ITGB4: variants seen among roughly 807,000 people sequenced by gnomAD.
ITGB4 encodes the protein integrin beta-4.
In ITGB4, 159 loss-of-function variants were observed where a neutral mutation model predicts 207.6. The ratio of observed to expected loss-of-function variants is 0.77; its 90% CI spans 0.67 to 0.87. ITGB4 has a LOEUF of 0.87. Among genes scored for constraint, ITGB4 ranks in the 40% least tolerant of loss-of-function variants. The pLI, the probability that ITGB4 is intolerant of heterozygous loss-of-function variation, is 0.00. For missense variants in ITGB4, 2,278 were observed against 2,546.8 expected (o/e 0.89, Z 2.27); for synonymous variants, 1,020 against 1,062.7 (o/e 0.96, Z 0.78).
At chr17:75,730,543 G>C (rs748394551) in intron 8 of ITGB4, 39 bp downstream of exon 8, 8 of 1,611,066 alleles carry the variant, frequency 5.0e-6, no homozygotes, top group Non-Finnish European at 5.9e-6. Context: ...GGTGGTCAAG[G>C]TAGGGGGTCC....
intron 34 of ITGB4, chr17:75,755,256 C>A: frequency 6.3e-7 from 1 of 1,577,028 alleles, no homozygotes; most frequent in Non-Finnish European, 8.6e-7. Flanking sequence ...CTGTCCTGCT[C>A]CATCTGTCAT....
chr17:75,725,345 ACT>A (rs1260928739), intron 2 of ITGB4, among the ~76,000 whole-genome samples: 3 of 152,004 alleles, frequency 2.0e-5, no homozygotes, highest in African/African-American at 7.3e-5. Context: ...ACATGCTCTC[ACT>A]CTGTCGTCCC....
chr17:75,750,080 G>A lies in ITGB4; in HGVS notation c.3317-31G>A. On this transcript the variant is annotated intron_variant, in intron 27 of 39. Coordinates refer to ENST00000200181, the MANE Select transcript of ITGB4 (RefSeq NM_000213.5). This position sits in a 1 kb window ranked among gnomAD's most constrained non-coding sequence, Gnocchi z 5.5. ...CCCCTGGTGGTGAAGGGGGATCTGA[G>A]TGGTTGCCCGGCCCCAACCTGACCC... 1 of 1,613,304 alleles carries A rather than the reference G, an allele frequency of 6.2e-7. No individual in the cohort carries two copies.
Position 75,722,901 on chromosome 17 carries a change from CG to C in ITGB4, c.-11+1292del, listed in dbSNP as rs1278474603. Among the ~76,000 whole-genome samples, 2 of 152,066 alleles carry C rather than the reference CG, an allele frequency of 1.3e-5. No homozygotes were observed. The highest frequency in any genetic ancestry group is 3.9e-4 in the East Asian group (2 of 5,170). On this transcript the variant is annotated intron_variant, in intron 1 of 39. Coordinates refer to ENST00000200181, the MANE Select transcript of ITGB4 (RefSeq NM_000213.5). This position sits in a 1 kb window ranked among gnomAD's most constrained non-coding sequence, Gnocchi z 6.2. ...AAAGTCGGGGCAGCCTGGTGGGGTC[CG>C]GGCCGCCTGGAGAGTAGGTGTCCTG...
intron 2 of ITGB4, among the ~76,000 whole-genome samples, chr17:75,726,903 C>G (rs1036555312): frequency 3.0e-4 from 45 of 152,090 alleles, no homozygotes; most frequent in Non-Finnish European, 6.0e-4. Flanking sequence ...GAAACCCTGT[C>G]TCTACTAAAA....
In ITGB4 at chr17:75,740,311, G is replaced by C. The variant is rs777210169; in HGVS notation, c.2447-47G>C. On this transcript the variant is annotated intron_variant, in intron 20 of 39. Transcript: ENST00000200181. The surrounding 1 kb of genome is among the most constrained non-coding windows in gnomAD (Gnocchi z 5.9). ...GATGCTCTGTGGTGCCTGTCATGCA[G>C]GGGGCTGACCACCTCCATCTCACCC... The C allele has an allele frequency of 6.6e-7, 1 of 1,517,906 alleles. No homozygotes were observed. The highest frequency in any genetic ancestry group is 1.7e-5 in the Admixed American group (1 of 57,714). 94.0% of individuals were successfully genotyped at this position (1,517,906 alleles called of 1,614,324 possible).
rs374796446 is a variant in ITGB4, at chr17:75,757,576, G to A, written c.*21G>A. 8.1e-5 allele frequency: 131 copies of A among 1,612,150 alleles called. 1 individual carries two copies. The highest frequency in any genetic ancestry group is 1.6e-4 in the Middle Eastern group (1 of 6,076). On this transcript the variant is annotated 3_prime_UTR_variant, in exon 40 of 40. Coordinates refer to ENST00000200181, the MANE Select transcript of ITGB4 (RefSeq NM_000213.5). The stretch of plus-strand genomic sequence containing the variant: ...CTTGACCGCACCCTGCCCCACCCCC[G>A]CCACGTCCCACTAGGCGTCCTCCCG...
intron 27 of ITGB4, among the ~76,000 whole-genome samples, chr17:75,749,617 G>A (rs2061320153): frequency 6.6e-6 from 1 of 152,224 alleles, no homozygotes; most frequent in Non-Finnish European, 1.5e-5. Context: ...TAGAGAGGCT[G>A]TTGTCACCAC....
chr17:75,750,803 G>A lies in ITGB4; in HGVS notation c.3598G>A (p.Gly1200Arg), dbSNP rs75129664. ...CDYEMKVCAY[G>R]AQGEGPYSSL... ...CTATGAGATGAAGGTGTGCGCCTAC[G>A]GGGCTCAGGGCGAGGGACCCTACAG... Residue 1200 changes from glycine (G) to arginine (R), a missense_variant, in exon 29 of 40, where the codon GGG becomes AGG. By Grantham distance (125) the Gly-to-Arg change is moderately radical. Transcript: ENST00000200181. The surrounding 1 kb of genome is among the most constrained non-coding windows in gnomAD (Gnocchi z 5.5). 2,735 of 1,613,476 alleles carry A rather than the reference G, an allele frequency of 1.7e-3. 10 individuals carry two copies. Among genetic ancestry groups the A allele is most frequent in the Non-Finnish European group, 1.6e-3 (1,898 of 1,180,006 alleles).
Position 75,755,695 on chromosome 17 carries a change from C to A in ITGB4, c.4559-6C>A, listed in dbSNP as rs564467403. 3.7e-6 allele frequency: 6 copies of A among 1,612,824 alleles called. No homozygotes were observed. In the South Asian group the frequency reaches 6.6e-5, roughly 18 times the overall value. ...TCTCTGGCTGACTGCGGCCTCCTGT[C>A]CCCAGACTCTCGCCTGACTGCTGGT... On this transcript the variant is annotated splice_polypyrimidine_tract_variant and splice_region_variant and intron_variant, in intron 34 of 39. Transcript: ENST00000200181.
Position 75,733,678 on chromosome 17 carries a change from G to C in ITGB4, c.1643G>C (p.Gly548Ala). 2 of 1,614,042 alleles carry C rather than the reference G, an allele frequency of 1.2e-6. No individual in the cohort carries two copies. Among genetic ancestry groups the C allele is most frequent in the Non-Finnish European group, 8.5e-7 (1 of 1,180,024 alleles). ...AACTTCCAGTGTCCCCGCACTTCCGGGTTCCTCTGCAATGGTGAGCACAAC... is the reference window on the plus strand; with the variant it reads ...AACTTCCAGTGTCCCCGCACTTCCGCGTTCCTCTGCAATGGTGAGCACAAC... ...YDNFQCPRTS[G>A]FLCNDRGRCS... The change falls in exon 13 of 40, where the codon GGG becomes GCG. Residue 548 changes from glycine (G) to alanine (A), a missense_variant. Coordinates refer to ENST00000200181, the MANE Select transcript of ITGB4 (RefSeq NM_000213.5).
Position 75,727,659 on chromosome 17 carries a change from G to A in ITGB4, c.273G>A (p.Gln91=), listed in dbSNP as rs748885598. 1 of 1,605,978 alleles carries A rather than the reference G, an allele frequency of 6.2e-7. No homozygotes were observed. Among genetic ancestry groups the A allele is most frequent in the East Asian group, 2.2e-5 (1 of 44,678 alleles). Residue 91 remains glutamine, a synonymous_variant, in exon 5 of 40, where the codon CAG becomes CAA. Coordinates refer to ENST00000200181, the MANE Select transcript of ITGB4 (RefSeq NM_000213.5). The surrounding 1 kb of genome is among the most constrained non-coding windows in gnomAD (Gnocchi z 6.0). Reference sequence around the variant, plus strand: ...CCTTCCACTGGCTGCAGGAGACCCAGATTGACACCACCCTGCGGCGCAGCC... The same window carrying A: ...CCTTCCACTGGCTGCAGGAGACCCAAATTGACACCACCCTGCGGCGCAGCC... ...ESSFQITEET[Q]IDTTLRRSQM... is the part of the protein sequence containing the mutation.
At chr17:75,755,953 C>T in intron 35 of ITGB4, 103 bp downstream of exon 35, 2 of 1,392,088 alleles carry the variant, frequency 1.4e-6, no homozygotes, top group Non-Finnish European at 2.0e-6. Context: ...CACCCAAGTC[C>T]CTTGAGCGCT....
intron 33 of ITGB4, 68 bp from the exon 34 acceptor site, chr17:75,754,508 C>T: frequency 2.5e-6 from 4 of 1,604,082 alleles, no homozygotes; most frequent in Admixed American, 1.7e-5. Context: ...ATGTGCAGGG[C>T]CCAGCCTGCC....
chr17:75,746,929 CAA>C (rs56351330), intron 26 of ITGB4, among the ~76,000 whole-genome samples: 73 of 70,852 alleles, frequency 1.0e-3, no homozygotes, highest in East Asian at 3.3e-3. Context: ...ACCCCTGTCT[CAA>C]AAAAAAAAAA....
Position 75,750,019 on chromosome 17 carries a change from T to C in ITGB4, c.3317-92T>C. The C allele has an allele frequency of 6.6e-7, 1 of 1,523,274 alleles. No individual in the cohort carries two copies. The highest frequency in any genetic ancestry group is 9.1e-7 in the Non-Finnish European group (1 of 1,098,806). 94.4% of individuals were successfully genotyped at this position (1,523,274 alleles called of 1,614,324 possible). A position where few individuals can be genotyped will look rare whatever the true frequency, so the allele number is the denominator to read the frequency against. The stretch of plus-strand genomic sequence containing the variant: ...GCAGGTCTGAGTTGAATGCGCTGGG[T>C]AGAGCGCCCTGGGTGTTGAAGTGGG... On this transcript the variant is annotated intron_variant, in intron 27 of 39. Transcript: ENST00000200181. The surrounding 1 kb of genome is among the most constrained non-coding windows in gnomAD (Gnocchi z 5.5).
In ITGB4 at chr17:75,739,864, G is replaced by C. The variant is rs746756117; in HGVS notation, c.2255-16G>C. 1 of 1,613,484 alleles carries C rather than the reference G, an allele frequency of 6.2e-7. No individual in the cohort carries two copies. The highest frequency in any genetic ancestry group is 8.5e-7 in the Non-Finnish European group (1 of 1,179,896). On this transcript the variant is annotated splice_polypyrimidine_tract_variant and intron_variant, in intron 19 of 39. Coordinates refer to ENST00000200181, the MANE Select transcript of ITGB4 (RefSeq NM_000213.5). This position sits in a 1 kb window ranked among gnomAD's most constrained non-coding sequence, Gnocchi z 5.4. ...GGTCTAGGGAGGGGTGCCGTGCTGA[G>C]GACCCCATCCTGCAGGTCACATGGT...
Position 75,727,014 on chromosome 17 carries a change from A to G in ITGB4, c.80-181A>G, listed in dbSNP as rs1204921859. ...CGTGAACACGGGTGGTGGAGCTTGC[A>G]GTGAGCCAGGATCACGCCACTGCAC... On this transcript the variant is annotated intron_variant, in intron 2 of 39. Transcript: ENST00000200181. The surrounding 1 kb of genome is among the most constrained non-coding windows in gnomAD (Gnocchi z 6.0). Among the ~76,000 whole-genome samples the G allele has an allele frequency of 6.6e-6, 1 of 152,012 alleles. No homozygotes were observed. The highest frequency in any genetic ancestry group is 2.4e-5 in the African/African-American group (1 of 41,362).
chr17:75,733,409 A>C (rs557289183), intron 12 of ITGB4, 81 bp from the exon 13 acceptor site: 15 of 1,125,356 alleles, frequency 1.3e-5, no homozygotes, highest in Non-Finnish European at 1.9e-5. Flanking sequence ...AAATAATTAA[A>C]TTAAATTAAA....
Sources: allele counts gnomAD v4.1 joint callset (sites outside exome capture counted in the v4.1 genomes callset), GRCh38; gene constraint gnomAD v4.1.1; non-coding constraint Gnocchi (gnomAD v3.1); transcripts MANE v1.5; gene names NCBI Gene and HGNC (gene_info 2026-07-23, HGNC 2026-07-21).